The following DYNC1H1 variants were observed in gnomAD, a reference collection of about 807,000 sequenced individuals.
DYNC1H1 encodes cytoplasmic dynein 1 heavy chain 1.
Under a neutral mutation model 527.1 loss-of-function variants are expected in DYNC1H1, and 51 were observed. The ratio of observed to expected loss-of-function variants is 0.10; its 90% confidence interval spans 0.08 to 0.12. The LOEUF (loss-of-function observed/expected upper bound fraction) is 0.12, where lower values mean the gene tolerates loss of function less well. DYNC1H1 is among the 10% of genes least tolerant of loss of function. The pLI, the probability that DYNC1H1 is intolerant of heterozygous loss-of-function variation, is 1.00. For missense variants in DYNC1H1, 2,771 were observed against 5,971.8 expected (o/e 0.46, Z 17.66); for synonymous variants, 2,189 against 2,278.8 (o/e 0.96, Z 1.12).
Position 102,017,519 on chromosome 14 carries a change from T to G in DYNC1H1, c.8177+15T>G. On this transcript the variant is annotated intron_variant, in intron 40 of 77. Transcript: ENST00000360184. The surrounding 1 kb of genome is among the most constrained non-coding windows in gnomAD (Gnocchi z 4.6). ...CTCTCACACAGGTAAAACAGCTCGGTAGACTGCTCTGCTTCACACACGCAC... is the reference window on the plus strand; with the variant it reads ...CTCTCACACAGGTAAAACAGCTCGGGAGACTGCTCTGCTTCACACACGCAC... 2 of 1,613,100 alleles carry G rather than the reference T, an allele frequency of 1.2e-6. No homozygotes were observed. The highest frequency in any genetic ancestry group is 1.7e-6 in the Non-Finnish European group (2 of 1,179,928).
Position 102,044,781 on chromosome 14 carries a change from G to A in DYNC1H1, c.13006+83G>A, listed in dbSNP as rs1016500933. The A allele has an allele frequency of 2.4e-5, 36 of 1,494,740 alleles. No individual in the cohort carries two copies. In the Middle Eastern group the frequency reaches 1.2e-3, roughly 49 times the overall value. The allele number at this position is 1,494,740 out of a possible 1,614,324, so 92.6% of individuals were successfully genotyped here. On this transcript the variant is annotated intron_variant, in intron 72 of 77. Transcript: ENST00000360184. This position sits in a 1 kb window ranked among gnomAD's most constrained non-coding sequence, Gnocchi z 7.1. ...GGGTGGGTGGCGAGGGTCCCCACAC[G>A]CAGGGTGAGTGTGCACTGCTGTCCC...
Position 102,022,766 on chromosome 14 carries a change from G to C in DYNC1H1, c.8523G>C (p.Glu2841Asp), listed in dbSNP as rs2048400863. 2 of 1,614,038 alleles carry C rather than the reference G, an allele frequency of 1.2e-6. No individual in the cohort carries two copies. Among genetic ancestry groups the C allele is most frequent in the Non-Finnish European group, 1.7e-6 (2 of 1,180,030 alleles). ...CTCCCCACAGACTCGTAGAGGATGA[G>C]GAGAGGCGTTGGACTGATGAGAACA... ...RLFQDRLVED[E>D]ERRWTDENID... The change falls in exon 43 of 78, where the codon GAG (glutamate) becomes GAC (aspartate). Residue 2841 changes from glutamate to aspartate, a missense_variant. Glu to Asp is a conservative substitution (Grantham distance 45). Coordinates refer to ENST00000360184, the MANE Select transcript of DYNC1H1 (RefSeq NM_001376.5).
At chr14:102,013,483 A>G (rs936544519) in intron 34 of DYNC1H1, among the ~76,000 whole-genome samples, 1 of 150,474 alleles carries the variant, frequency 6.6e-6, no homozygotes, top group African/African-American at 2.5e-5. Flanking sequence ...ATTCTGGGCA[A>G]AGGAACACAC....
chr14:102,044,054 G>A lies in DYNC1H1; in HGVS notation c.12684+9G>A. On this transcript the variant is annotated intron_variant, in intron 70 of 77. Coordinates refer to ENST00000360184, the MANE Select transcript of DYNC1H1 (RefSeq NM_001376.5). The surrounding 1 kb of genome is among the most constrained non-coding windows in gnomAD (Gnocchi z 7.1). ...TGGATGACACGGCCAAGGCAAGTGT[G>A]GGCCATGCCAGGACAGACAGTGGAC... 6.2e-7 allele frequency: 1 copy of A among 1,613,380 alleles called. No homozygotes were observed. The highest frequency in any genetic ancestry group is 8.5e-7 in the Non-Finnish European group (1 of 1,180,032).
At position 102,030,000 on chromosome 14, in the gene DYNC1H1, T is replaced by G. The variant is rs192486904; in HGVS notation, c.9762+62T>G. 1.2e-6 allele frequency: 2 copies of G among 1,612,396 alleles called. No individual in the cohort carries two copies. The highest frequency in any genetic ancestry group is 1.1e-5 in the South Asian group (1 of 90,630). The stretch of plus-strand genomic sequence containing the variant: ...GCATTTTCAGTCTCCAATGAGAGAG[T>G]AGGAAATGTAGTTCCAAATGGGTCT... On this transcript the variant is annotated intron_variant, in intron 50 of 77. Coordinates refer to ENST00000360184, the MANE Select transcript of DYNC1H1 (RefSeq NM_001376.5). This position sits in a 1 kb window ranked among gnomAD's most constrained non-coding sequence, Gnocchi z 5.3.
chr14:101,972,894 T>C (rs989541748), intron 1 of DYNC1H1, among the ~76,000 whole-genome samples: 9 of 152,222 alleles, frequency 5.9e-5, no homozygotes, highest in Admixed American at 6.5e-5. Flanking sequence ...GAGAAAATCA[T>C]CGCAGTACTT....
rs117166182 is a variant in DYNC1H1, at chr14:101,990,348, G to C, written c.2869-1179G>C. 5.5e-3 allele frequency among the ~76,000 whole-genome samples: 842 copies of C among 152,166 alleles called. 17 individuals are homozygous for C. The highest frequency in any genetic ancestry group is 0.037 in the East Asian group (190 of 5,170). On this transcript the variant is annotated intron_variant, in intron 10 of 77. Coordinates refer to ENST00000360184, the MANE Select transcript of DYNC1H1 (RefSeq NM_001376.5). ...ATATTGAGACATCGTCATATACTTA[G>C]GCCAAACCAGATGAAAGTTCATTGA...
At chr14:102,000,665 C>T (rs1439595701) in intron 18 of DYNC1H1, 1 of 503,780 alleles carries the variant, frequency 2.0e-6, no homozygotes, top group African/African-American at 2.0e-5. Context: ...ACCTCCGCCT[C>T]CCGGGTTCAA....
chr14:101,975,836 A>G, intron 2 of DYNC1H1, 37 bp downstream of exon 2: 2 of 1,476,894 alleles, frequency 1.4e-6, no homozygotes, highest in Non-Finnish European at 1.9e-6. Flanking sequence ...CTCAGGTTAT[A>G]AATTTGTGAG....
rs1019427031 is a variant in DYNC1H1, at chr14:102,002,238, G to A, written c.4543-299G>A. On this transcript the variant is annotated intron_variant, in intron 21 of 77. Coordinates refer to ENST00000360184, the MANE Select transcript of DYNC1H1 (RefSeq NM_001376.5). The surrounding 1 kb of genome is among the most constrained non-coding windows in gnomAD (Gnocchi z 4.4). ...TGATTCTCCCGCCTCAGCCTCCCAA[G>A]TAGCTGGGATTACAGCTACCTGCCA... Among the ~76,000 whole-genome samples, 1 of 151,734 alleles carries A rather than the reference G, an allele frequency of 6.6e-6. No individual in the cohort carries two copies. The highest frequency in any genetic ancestry group is 2.1e-4 in the South Asian group (1 of 4,824).
In DYNC1H1 at chr14:102,032,324, C is replaced by T. The variant is rs1258233095; in HGVS notation, c.9936C>T (p.Asn3312=). The T allele has an allele frequency of 9.3e-6, 15 of 1,614,082 alleles. No individual in the cohort carries two copies. The highest frequency in any genetic ancestry group is 1.3e-5 in the Non-Finnish European group (15 of 1,180,042). Residue 3312 remains asparagine, a synonymous_variant, in exon 52 of 78, where the codon AAC becomes AAT. Coordinates refer to ENST00000360184, the MANE Select transcript of DYNC1H1 (RefSeq NM_001376.5). The stretch of plus-strand genomic sequence containing the variant: ...TGGTGGAGGTGAGGTCCATGGCCAA[C>T]CCTCCTGCTGCTGTGAAGCTGGCGC... ...QHLVEVRSMA[N]PPAAVKLALE... is the part of the protein sequence containing the mutation.
At position 102,003,000 on chromosome 14, in the gene DYNC1H1, G is replaced by A. The variant is rs1292742546; in HGVS notation, c.4883+35G>A. On this transcript the variant is annotated intron_variant, in intron 23 of 77. Coordinates refer to ENST00000360184, the MANE Select transcript of DYNC1H1 (RefSeq NM_001376.5). This position sits in a 1 kb window ranked among gnomAD's most constrained non-coding sequence, Gnocchi z 4.4. ...TTGCTTTGACTTGGCCTGGAGTCAAGTTGAATTTCAGTTGTGCATTTTTCC... is the reference window on the plus strand; with the variant it reads ...TTGCTTTGACTTGGCCTGGAGTCAAATTGAATTTCAGTTGTGCATTTTTCC... 6.2e-7 allele frequency: 1 copy of A among 1,613,058 alleles called. No homozygotes were observed. Among genetic ancestry groups the A allele is most frequent in the Non-Finnish European group, 8.5e-7 (1 of 1,179,938 alleles).
rs1567003008 is a variant in DYNC1H1, at chr14:101,995,166, CCT to C, written c.3445-8_3445-7del. The C allele has an allele frequency of 1.2e-6, 2 of 1,614,232 alleles. No homozygotes were observed. The highest frequency in any genetic ancestry group is 2.2e-5 in the East Asian group (1 of 44,884). ...CCCCAGCTCTGTGATGAAATACTCC[CCT>C]CTCTCTGAACAGTCCCGCCAAGAGT... On this transcript the variant is annotated splice_polypyrimidine_tract_variant and intron_variant, in intron 14 of 77. Coordinates refer to ENST00000360184, the MANE Select transcript of DYNC1H1 (RefSeq NM_001376.5).
intron 28 of DYNC1H1, 92 bp from the exon 29 acceptor site, chr14:102,008,085 AG>A: frequency 6.4e-7 from 1 of 1,568,724 alleles, no homozygotes; most frequent in Admixed American, 1.7e-5. Flanking sequence ...CACTAGGGTT[AG>A]GGCATCAACA....
rs147565579 is a variant in DYNC1H1 at position 102,019,283 on chromosome 14, C to T, written c.8344-610C>T. 5.8e-3 allele frequency among the ~76,000 whole-genome samples: 890 copies of T among 152,288 alleles called. 13 individuals carry two copies. Among genetic ancestry groups the T allele is most frequent in the African/African-American group, 0.02 (836 of 41,546 alleles). ...AGTCATTAACAAAAATGTCTTTGCC[C>T]ATTTGGTGAGAAATGACTCTCGTTG... On this transcript the variant is annotated intron_variant, in intron 41 of 77. Transcript: ENST00000360184.
At position 102,042,898 on chromosome 14, in the gene DYNC1H1, C is replaced by T. The variant is rs976929886; in HGVS notation, c.12513+150C>T. 3.8e-5 allele frequency: 35 copies of T among 918,474 alleles called. No homozygotes were observed. In the South Asian group the frequency reaches 4.7e-4, roughly 12 times the overall value. 56.9% of individuals were successfully genotyped at this position (918,474 alleles called of 1,614,324 possible). A position where few individuals can be genotyped will look rare whatever the true frequency, so the allele number is the denominator to read the frequency against. Reference sequence around the variant, plus strand: ...GCTTTTCAGCTGTAGGTAAAATTTCCTTCCATGGCCGGGCACCGTGGCTCA... The same window carrying T: ...GCTTTTCAGCTGTAGGTAAAATTTCTTTCCATGGCCGGGCACCGTGGCTCA... On this transcript the variant is annotated intron_variant, in intron 69 of 77. Coordinates refer to ENST00000360184, the MANE Select transcript of DYNC1H1 (RefSeq NM_001376.5). The surrounding 1 kb of genome is among the most constrained non-coding windows in gnomAD (Gnocchi z 5.7).
At chr14:102,037,062 A>T (rs1320312541) in intron 57 of DYNC1H1, 1 of 266,088 alleles carries the variant, frequency 3.8e-6, no homozygotes, top group African/African-American at 2.2e-5. Flanking sequence ...ATGCCACTGC[A>T]CTCCAGCCTG....
chr14:102,005,029 C>G lies in DYNC1H1; in HGVS notation c.5239-13C>G, dbSNP rs373351097. ...AAAATGATCCTTTGGGATCTTGTTTCTGTGTCTTTCAGGCCCAGCTTGTGG... is the reference window on the plus strand; with the variant it reads ...AAAATGATCCTTTGGGATCTTGTTTGTGTGTCTTTCAGGCCCAGCTTGTGG... On this transcript the variant is annotated splice_polypyrimidine_tract_variant and intron_variant, in intron 25 of 77. Coordinates refer to ENST00000360184, the MANE Select transcript of DYNC1H1 (RefSeq NM_001376.5). The surrounding 1 kb of genome is among the most constrained non-coding windows in gnomAD (Gnocchi z 4.0). The G allele has an allele frequency of 1.2e-6, 2 of 1,614,190 alleles. No individual in the cohort carries two copies. Among genetic ancestry groups the G allele is most frequent in the Non-Finnish European group, 1.7e-6 (2 of 1,180,050 alleles).
In DYNC1H1 at chr14:102,015,774, C is replaced by T; in HGVS notation, c.7243-82C>T. 8 of 1,487,860 alleles carry T rather than the reference C, an allele frequency of 5.4e-6. No individual in the cohort carries two copies. Among genetic ancestry groups the T allele is most frequent in the Non-Finnish European group, 7.4e-6 (8 of 1,083,818 alleles). 92.2% of individuals were successfully genotyped at this position (1,487,860 alleles called of 1,614,324 possible). A position where few individuals can be genotyped will look rare whatever the true frequency, so the allele number is the denominator to read the frequency against. On this transcript the variant is annotated intron_variant, in intron 35 of 77. Transcript: ENST00000360184. The surrounding 1 kb of genome is among the most constrained non-coding windows in gnomAD (Gnocchi z 6.9). ...AATGAGTTTTCCAAGGTCGTATGAC[C>T]TTCTCCTGGGACCAGGTTAGAATCG...
Sources: allele counts gnomAD v4.1 joint callset (sites outside exome capture counted in the v4.1 genomes callset), GRCh38; gene constraint gnomAD v4.1.1; non-coding constraint Gnocchi (gnomAD v3.1); transcripts MANE v1.5; gene names NCBI Gene and HGNC (gene_info 2026-07-23, HGNC 2026-07-21).